Variants in SCN4A observed in about 807,000 individuals in gnomAD.
The protein encoded by SCN4A is sodium channel protein type 4 subunit alpha.
In SCN4A, 83 loss-of-function variants were observed where a neutral mutation model predicts 162.0. The ratio of observed to expected loss-of-function variants is 0.51; its 90% CI spans 0.43 to 0.61. SCN4A has a LOEUF of 0.61. SCN4A is among the 20% of genes least tolerant of loss of function. The pLI, the probability that SCN4A is intolerant of heterozygous loss-of-function variation, is 0.00. For missense variants in SCN4A, 2,196 were observed against 2,462.5 expected (o/e 0.89, Z 2.29); for synonymous variants, 944 against 985.1 (o/e 0.96, Z 0.78).
rs752731993 is a variant in SCN4A at position 63,963,709 on chromosome 17, G to A, written c.1569C>T (p.Ser523=). Residue 523 remains serine, a synonymous_variant, in exon 10 of 24, where the codon AGC becomes AGT. Coordinates refer to ENST00000435607, the MANE Select transcript of SCN4A (RefSeq NM_000334.4). ...SQGEKGAPRQ[S]SSGDSGISDA... ...CGGAGATGCCGCTGTCTCCGCTGCTGCTCTGCCTCGGGGCTCCCTTCTCCC... is the reference window on the plus strand; with the variant it reads ...CGGAGATGCCGCTGTCTCCGCTGCTACTCTGCCTCGGGGCTCCCTTCTCCC... 19 of 1,596,868 alleles carry A rather than the reference G, an allele frequency of 1.2e-5. No individual in the cohort carries two copies. The highest frequency in any genetic ancestry group is 4.5e-5 in the South Asian group (4 of 89,488).
chr17:63,954,177 T>C (rs1909003239), intron 13 of SCN4A, among the ~76,000 whole-genome samples: 1 of 152,236 alleles, frequency 6.6e-6, no homozygotes. Context: ...CAAGGTCTTC[T>C]CGTCATTGTC....
In SCN4A at chr17:63,944,303, C is replaced by A. The variant is rs956169402; in HGVS notation, c.3912+370G>T. On this transcript the variant is annotated intron_variant, in intron 21 of 23. Transcript: ENST00000435607. This position sits in a 1 kb window ranked among gnomAD's most constrained non-coding sequence, Gnocchi z 4.3. ...TACAGATGCCTGCCACCACGCCTGG[C>A]TAATTTCTTTTTTTAATTTTTTTTG... is the stretch of plus-strand genomic sequence containing the variant. Among the ~76,000 whole-genome samples the A allele has an allele frequency of 6.6e-6, 1 of 152,078 alleles. No homozygotes were observed. The highest frequency in any genetic ancestry group is 6.5e-5 in the Admixed American group (1 of 15,270).
At chr17:63,958,540 C>G (rs889227011) in intron 12 of SCN4A, among the ~76,000 whole-genome samples, 2 of 152,096 alleles carry the variant, frequency 1.3e-5, no homozygotes, top group Non-Finnish European at 2.9e-5. Context: ...GAAAAGATCC[C>G]TTGATAAAGT....
chr17:63,966,644 A>G (rs1909456706), intron 6 of SCN4A, 100 bp from the exon 7 acceptor site: 2 of 841,912 alleles, frequency 2.4e-6, no homozygotes, highest in East Asian at 5.1e-5. Flanking sequence ...TGCGCGTACC[A>G]CATAAACCAA....
Position 63,972,076 on chromosome 17 carries a change from C to T in SCN4A, c.482+60G>A. Reference sequence around the variant, plus strand: ...ACAAGAGCAGCACCACACAGAGGTGCAAACACCTGAGATGGGCTGTGTCCC... The same window carrying T: ...ACAAGAGCAGCACCACACAGAGGTGTAAACACCTGAGATGGGCTGTGTCCC... On this transcript the variant is annotated intron_variant, in intron 3 of 23. Transcript: ENST00000435607. This position sits in a 1 kb window ranked among gnomAD's most constrained non-coding sequence, Gnocchi z 4.3. 7.5e-7 allele frequency: 1 copy of T among 1,339,674 alleles called. No homozygotes were observed. Among genetic ancestry groups the T allele is most frequent in the Non-Finnish European group, 1.1e-6 (1 of 944,420 alleles). The allele number at this position is 1,339,674 out of a possible 1,614,324, so 83.0% of individuals were successfully genotyped here. A position where few individuals can be genotyped will look rare whatever the true frequency, so the allele number is the denominator to read the frequency against.
In SCN4A at chr17:63,944,789, C is replaced by T. The variant is rs1398605254; in HGVS notation, c.3796G>A (p.Glu1266Lys). Residue 1266 changes from glutamate to lysine, a missense_variant, in exon 21 of 24, where the codon GAG becomes AAG. Transcript: ENST00000435607. The surrounding 1 kb of genome is among the most constrained non-coding windows in gnomAD (Gnocchi z 4.3). ...SREKEEQPQY[E>K]VNLYMYLYFV... Reference sequence around the variant, plus strand: ...TAGAGGTACATGTAGAGGTTCACCTCGTACTGCGGCTGCTCCTCCTTCTGT... The same window carrying T: ...TAGAGGTACATGTAGAGGTTCACCTTGTACTGCGGCTGCTCCTCCTTCTGT... 6 of 1,613,734 alleles carry T rather than the reference C, an allele frequency of 3.7e-6. No individual in the cohort carries two copies. In the East Asian group the frequency reaches 6.7e-5, roughly 18 times the overall value.
chr17:63,969,196 C>A (rs201964928), intron 5 of SCN4A, among the ~76,000 whole-genome samples: 1 of 152,216 alleles, frequency 6.6e-6, no homozygotes, highest in East Asian at 1.9e-4. Flanking sequence ...ACCACAGAAC[C>A]CTTTTCCTTA....
intron 12 of SCN4A, among the ~76,000 whole-genome samples, chr17:63,958,645 C>T (rs1375227437): frequency 2.0e-5 from 3 of 152,228 alleles, no homozygotes; most frequent in Admixed American, 6.5e-5. Context: ...CTCAGCCTTC[C>T]GGGTTCAAGT....
At chr17:63,943,320 A>C (rs1267001742) in intron 22 of SCN4A, among the ~76,000 whole-genome samples, 6 of 104,004 alleles carry the variant, frequency 5.8e-5, no homozygotes, top group Non-Finnish European at 1.0e-4. Flanking sequence ...GGACCAGGTC[A>C]TTTTATGGGG....
chr17:63,952,328 C>T (rs1437216753), intron 13 of SCN4A, among the ~76,000 whole-genome samples: 2 of 151,898 alleles, frequency 1.3e-5, no homozygotes, highest in African/African-American at 2.4e-5. Context: ...CCCAGCTAAT[C>T]TTTGTATTTT....
rs909293632 is a variant in SCN4A at position 63,940,072 on chromosome 17, G to T, written c.*699C>A. On this transcript the variant is annotated 3_prime_UTR_variant, in exon 24 of 24. Transcript: ENST00000435607. ...GCTCTTCCCCTAGGAGCCAGCCAGG[G>T]GAGCTACGGACCTGGACGTGGCCTA... 6.6e-6 allele frequency: 1 copy of T among 152,284 alleles called. No homozygotes were observed. Among genetic ancestry groups the T allele is most frequent in the Non-Finnish European group, 1.5e-5 (1 of 68,068 alleles). 9.4% of individuals were successfully genotyped at this position (152,284 alleles called of 1,614,324 possible). A position where few individuals can be genotyped will look rare whatever the true frequency, so the allele number is the denominator to read the frequency against.
chr17:63,945,279 C>T lies in SCN4A; in HGVS notation c.3720+81G>A, dbSNP rs369940323. 5.7e-5 allele frequency: 72 copies of T among 1,273,884 alleles called. No homozygotes were observed. The African/African-American group carries it at 6.7e-4, about 12-fold the overall frequency. The allele number at this position is 1,273,884 out of a possible 1,614,324, so 78.9% of individuals were successfully genotyped here. On this transcript the variant is annotated intron_variant, in intron 19 of 23. Transcript: ENST00000435607. The surrounding 1 kb of genome is among the most constrained non-coding windows in gnomAD (Gnocchi z 4.4). ...GGCGGTCCCCTAACCAGGAGTGACA[C>T]TGGGGTTGGGTACAACGAGAGGACC...
intron 17 of SCN4A, 23 bp downstream of exon 17, chr17:63,947,867 G>C (rs374565934): frequency 6.2e-7 from 1 of 1,610,538 alleles, no homozygotes; most frequent in Non-Finnish European, 8.5e-7. Context: ...ATGTAGCTAC[G>C]GGGCCAGCGT....
At chr17:63,966,680 C>A in intron 6 of SCN4A, 136 bp from the exon 7 acceptor site, 1 of 677,958 alleles carries the variant, frequency 1.5e-6, no homozygotes, top group Non-Finnish European at 2.6e-6. Context: ...CTGCCTCTTC[C>A]CCGTCCTTTA....
rs1000526803 is a variant in SCN4A, at chr17:63,950,482, T to A, written c.2853+942A>T. 5.9e-5 allele frequency among the ~76,000 whole-genome samples: 9 copies of A among 152,064 alleles called. No homozygotes were observed. The highest frequency in any genetic ancestry group is 1.5e-5 in the Non-Finnish European group (1 of 68,008). ...GCCTGGGACTTTGGTGCTCTCCAGC[T>A]CCCCCGCCACCTGAGTGCCTCATAC... On this transcript the variant is annotated intron_variant, in intron 14 of 23. Transcript: ENST00000435607. The surrounding 1 kb of genome is among the most constrained non-coding windows in gnomAD (Gnocchi z 4.6).
chr17:63,957,072 G>C, intron 13 of SCN4A, 90 bp downstream of exon 13: 1 of 864,088 alleles, frequency 1.2e-6, no homozygotes, highest in Non-Finnish European at 1.8e-6. Flanking sequence ...TGGAGAGGAT[G>C]TGTTGGGGAG....
chr17:63,949,057 GGT>G (rs1459484235), intron 15 of SCN4A, among the ~76,000 whole-genome samples: 28 of 152,034 alleles, frequency 1.8e-4, no homozygotes, highest in African/African-American at 6.5e-4. Context: ...TCGCCCAGGC[GGT>G]CTCCATCCTG....
intron 6 of SCN4A, among the ~76,000 whole-genome samples, chr17:63,967,741 T>TGACATCGA (rs1457817032): frequency 1.3e-5 from 2 of 151,988 alleles, no homozygotes; most frequent in Non-Finnish European, 2.9e-5. Flanking sequence ...GAGACCAGCC[T>TGACATCGA]GGCCAACATG....
At position 63,959,713 on chromosome 17, in the gene SCN4A, G is replaced by A. The variant is rs111909623; in HGVS notation, c.1846-275C>T. On this transcript the variant is annotated intron_variant, in intron 11 of 23. Transcript: ENST00000435607. ...CAGTGGGCAAGGCACTTCACTCCTT[G>A]GAGACCCAACCCTGTCATAATATTC... Among the ~76,000 whole-genome samples, 1,073 of 152,298 alleles carry A rather than the reference G, an allele frequency of 7.0e-3. 20 individuals are homozygous for A. The highest frequency in any genetic ancestry group is 0.025 in the African/African-American group (1,032 of 41,552).
Sources: allele counts gnomAD v4.1 joint callset (sites outside exome capture counted in the v4.1 genomes callset), GRCh38; gene constraint gnomAD v4.1.1; non-coding constraint Gnocchi (gnomAD v3.1); transcripts MANE v1.5; gene names NCBI Gene and HGNC (gene_info 2026-07-23, HGNC 2026-07-21).